The following ARHGAP18 variants were observed in gnomAD, a reference collection of about 807,000 sequenced individuals.
The protein encoded by ARHGAP18 is rho GTPase-activating protein 18.
In ARHGAP18, 67 loss-of-function variants were observed where a neutral mutation model predicts 86.2. That is an observed-to-expected ratio of 0.78 (90% confidence interval 0.64 to 0.95). The LOEUF is 0.95. Ranked by LOEUF, ARHGAP18 falls within the 40% of genes least tolerant of loss-of-function variation. The pLI, the probability that ARHGAP18 is intolerant of heterozygous loss-of-function variation, is 0.00. For missense variants in ARHGAP18, 691 were observed against 780.4 expected, an observed-to-expected ratio of 0.89 and a Z score of 1.37; for synonymous variants, 283 against 280.4, an observed-to-expected ratio of 1.01 and a Z score of -0.09.
chr6:129,600,626 T>C lies in ARHGAP18; in HGVS notation c.1572+16A>G, dbSNP rs41285296. On this transcript the variant is annotated intron_variant, in intron 11 of 14. Transcript: ENST00000368149. ...TTTTTAAACTACTAAGACCAAAGCA[T>C]ATGATATATACTTACTGTCCACAGA... The C allele has an allele frequency of 0.08, 127,208 of 1,594,736 alleles. 5,568 individuals are homozygous for C. Among genetic ancestry groups the C allele is most frequent in the South Asian group, 0.1 (9,167 of 89,266 alleles).
At chr6:129,612,492 C>T (rs1353982595) in intron 7 of ARHGAP18, among the ~76,000 whole-genome samples, 2 of 152,204 alleles carry the variant, frequency 1.3e-5, no homozygotes, top group African/African-American at 4.8e-5. Flanking sequence ...CTATTCTTCA[C>T]TCATCCACAG....
intron 1 of ARHGAP18, among the ~76,000 whole-genome samples, chr6:129,663,604 C>T (rs149803343): frequency 5.1e-4 from 78 of 152,286 alleles, no homozygotes; most frequent in Non-Finnish European, 1.0e-3. Flanking sequence ...ACAGCATAAC[C>T]AAGTATCCTC....
chr6:129,585,818 A>G (rs2114430530), intron 12 of ARHGAP18, among the ~76,000 whole-genome samples: 1 of 152,240 alleles, frequency 6.6e-6, no homozygotes, highest in East Asian at 1.9e-4. Flanking sequence ...AGGACAACCT[A>G]ATTCCAACCT....
At chr6:129,590,711 A>G (rs1264152409) in intron 12 of ARHGAP18, among the ~76,000 whole-genome samples, 2 of 152,170 alleles carry the variant, frequency 1.3e-5, no homozygotes, top group African/African-American at 2.4e-5. Flanking sequence ...ATTTCATTAA[A>G]CCAACAATGG....
rs1251656097 is a variant in ARHGAP18, at chr6:129,625,396, C to T, written c.786+3957G>A. Among the ~76,000 whole-genome samples, 33 of 40,388 alleles carry T rather than the reference C, an allele frequency of 8.2e-4. 4 individuals are homozygous for T. The highest frequency in any genetic ancestry group is 4.5e-3 in the African/African-American group (27 of 6,040). The allele number at this position is 40,388 out of a possible 152,430, so 26.5% of individuals were successfully genotyped here. On this transcript the variant is annotated intron_variant, in intron 5 of 14. Coordinates refer to ENST00000368149, the MANE Select transcript of ARHGAP18 (RefSeq NM_033515.3). ...ATATATTATATATTATATATTTATACATATGTATTATATATTATATATAAT... is the reference window on the plus strand; with the variant it reads ...ATATATTATATATTATATATTTATATATATGTATTATATATTATATATAAT...
In ARHGAP18 at chr6:129,600,632, A is replaced by C. The variant is rs906586344; in HGVS notation, c.1572+10T>G. Reference sequence around the variant, plus strand: ...AACTACTAAGACCAAAGCATATGATATATACTTACTGTCCACAGAAGTTTT... The same window carrying C: ...AACTACTAAGACCAAAGCATATGATCTATACTTACTGTCCACAGAAGTTTT... On this transcript the variant is annotated intron_variant, in intron 11 of 14. Transcript: ENST00000368149. 6.2e-7 allele frequency: 1 copy of C among 1,609,606 alleles called. No homozygotes were observed. Among genetic ancestry groups the C allele is most frequent in the Non-Finnish European group, 8.5e-7 (1 of 1,176,506 alleles).
intron 1 of ARHGAP18, among the ~76,000 whole-genome samples, chr6:129,657,366 T>C (rs1478590884): frequency 6.6e-6 from 1 of 151,796 alleles, no homozygotes; most frequent in Non-Finnish European, 1.5e-5. Flanking sequence ...AGAGGTAATT[T>C]GCATGTTTTC....
At chr6:129,620,496 C>T (rs2114472924) in intron 5 of ARHGAP18, among the ~76,000 whole-genome samples, 1 of 152,304 alleles carries the variant, frequency 6.6e-6, no homozygotes, top group East Asian at 1.9e-4. Flanking sequence ...ACACATTAAA[C>T]ATCAGAAAGC....
At chr6:129,611,441 GA>G in intron 8 of ARHGAP18, 91 bp downstream of exon 8, 11 of 1,052,002 alleles carry the variant, frequency 1.0e-5, no homozygotes, top group East Asian at 2.5e-5. Context: ...ACTAACAATG[GA>G]AAAAAGGGGT....
At chr6:129,623,479 G>A (rs1442861952) in intron 5 of ARHGAP18, among the ~76,000 whole-genome samples, 1 of 152,140 alleles carries the variant, frequency 6.6e-6, no homozygotes, top group Non-Finnish European at 1.5e-5. Context: ...TCCACGATGA[G>A]AGATCATAAA....
intron 1 of ARHGAP18, among the ~76,000 whole-genome samples, chr6:129,692,339 G>T (rs1426528239): frequency 6.6e-6 from 1 of 152,104 alleles, no homozygotes; most frequent in East Asian, 1.9e-4. Context: ...ATTCCATCAT[G>T]CCTGGGTCCC....
At chr6:129,709,707 A>T (rs1241503400) in intron 1 of ARHGAP18, among the ~76,000 whole-genome samples, 2 of 152,256 alleles carry the variant, frequency 1.3e-5, no homozygotes, top group Non-Finnish European at 2.9e-5. Flanking sequence ...ATAGGAAAGG[A>T]AGTGTTTCAG....
chr6:129,641,105 T>G (rs1773455117), intron 2 of ARHGAP18, among the ~76,000 whole-genome samples: 1 of 152,214 alleles, frequency 6.6e-6, no homozygotes, highest in Non-Finnish European at 1.5e-5. Flanking sequence ...TCCAACTCTA[T>G]ATTTTTAGAT....
intron 10 of ARHGAP18, among the ~76,000 whole-genome samples, chr6:129,604,833 C>T (rs12193739): frequency 0.13 from 19,209 of 152,134 alleles, 1,306 homozygotes; most frequent in Admixed American, 0.18. Context: ...GCGGACGTAG[C>T]GTTTTACCTC....
At chr6:129,625,551 TTA>T (rs796304457) in intron 5 of ARHGAP18, among the ~76,000 whole-genome samples, 1 of 43,570 alleles carries the variant, frequency 2.3e-5, no homozygotes, top group African/African-American at 7.2e-5. Flanking sequence ...TTATATATAT[TTA>T]TTATATATTA....
intron 1 of ARHGAP18, 36 bp from the exon 2 acceptor site, chr6:129,642,054 A>G: frequency 6.3e-7 from 1 of 1,583,050 alleles, no homozygotes; most frequent in Non-Finnish European, 8.7e-7. Flanking sequence ...TTATTTTAGT[A>G]CAAAAGGAAG....
At chr6:129,658,281 C>T (rs1773880159) in intron 1 of ARHGAP18, among the ~76,000 whole-genome samples, 1 of 152,182 alleles carries the variant, frequency 6.6e-6, no homozygotes, top group Non-Finnish European at 1.5e-5. Flanking sequence ...AAGCAAGGAC[C>T]TCTCTGGGTC....
At chr6:129,667,635 A>C (rs1326277098) in intron 1 of ARHGAP18, among the ~76,000 whole-genome samples, 2 of 151,820 alleles carry the variant, frequency 1.3e-5, no homozygotes, top group African/African-American at 4.8e-5. Flanking sequence ...TGAGATCCAA[A>C]GTGTCTAGTA....
intron 1 of ARHGAP18, among the ~76,000 whole-genome samples, chr6:129,651,390 T>C (rs765349819): frequency 2.7e-4 from 41 of 152,322 alleles, no homozygotes; most frequent in Non-Finnish European, 5.4e-4. Flanking sequence ...AGAGTTTTTT[T>C]AAGCACACAT....
Sources: allele counts gnomAD v4.1 joint callset (sites outside exome capture counted in the v4.1 genomes callset), GRCh38; gene constraint gnomAD v4.1.1; transcripts MANE v1.5; gene names NCBI Gene and HGNC (gene_info 2026-07-23, HGNC 2026-07-21).